The following CHMP3 variants were observed in gnomAD, a reference collection of about 807,000 sequenced individuals.
CHMP3 encodes the protein 25.1 protein.
In CHMP3, 8 loss-of-function variants were observed where a neutral mutation model predicts 27.4. The observed-to-expected ratio is 0.29, with a 90% confidence interval of 0.17 to 0.53. CHMP3 has a LOEUF of 0.53. Among genes scored for constraint, CHMP3 ranks in the 20% least tolerant of loss-of-function variants. The pLI, the probability that CHMP3 is intolerant of heterozygous loss-of-function variation, is 0.96. For synonymous variants in CHMP3, 86 were observed against 85.5 expected, an observed-to-expected ratio of 1.01 and a Z score of -0.03; for missense variants, 208 against 271.5, an observed-to-expected ratio of 0.77 and a Z score of 1.64.
chr2:86,548,500 T>G (rs1338234282), intron 1 of CHMP3, among the ~76,000 whole-genome samples: 1 of 152,192 alleles, frequency 6.6e-6, no homozygotes, highest in Non-Finnish European at 1.5e-5. Context: ...AGCACGGGGT[T>G]GGGGGTAAGG....
At chr2:86,541,480 C>G (rs191150599) in intron 2 of CHMP3, 7 of 152,266 alleles carry the variant, frequency 4.6e-5, no homozygotes, top group Non-Finnish European at 1.0e-4. Flanking sequence ...AGTGAAACCA[C>G]TATGCTCTGC....
chr2:86,541,741 A>G (rs1357363473), intron 2 of CHMP3, among the ~76,000 whole-genome samples: 4 of 152,118 alleles, frequency 2.6e-5, no homozygotes, highest in African/African-American at 9.7e-5. Flanking sequence ...CTGGGAGTGG[A>G]ATTTCCCTCT....
chr2:86,535,654 G>A (rs865998715), intron 2 of CHMP3, among the ~76,000 whole-genome samples: 4 of 151,828 alleles, frequency 2.6e-5, no homozygotes, highest in African/African-American at 4.8e-5. Context: ...TTACAGGCGC[G>A]CACCACACGC....
At chr2:86,506,797 G>T (rs1674906672) in intron 5 of CHMP3, among the ~76,000 whole-genome samples, 1 of 151,876 alleles carries the variant, frequency 6.6e-6, no homozygotes, top group Non-Finnish European at 1.5e-5. Context: ...TTTTTGTAGA[G>T]ACAGGGTTTC....
intron 3 of CHMP3, chr2:86,511,933 T>A (rs1332831102): frequency 6.6e-6 from 1 of 152,100 alleles, no homozygotes; most frequent in African/African-American, 2.4e-5. Flanking sequence ...AATTTCTGAT[T>A]ATTAGAAGGT....
chr2:86,510,351 A>C lies in CHMP3; in HGVS notation c.408+7T>G. ...TGGAAAGGAAAGCAGGGCTAGCCCC[A>C]AGTCACCTTCATCATTTCTTTGGAC... On this transcript the variant is annotated splice_region_variant and intron_variant, in intron 4 of 5. Coordinates refer to ENST00000263856, the MANE Select transcript of CHMP3 (RefSeq NM_016079.4). 1 of 1,501,630 alleles carries C rather than the reference A, an allele frequency of 6.7e-7. No homozygotes were observed. Among genetic ancestry groups the C allele is most frequent in the Middle Eastern group, 1.8e-4 (1 of 5,460 alleles). 93.0% of individuals were successfully genotyped at this position (1,501,630 alleles called of 1,614,324 possible).
chr2:86,531,628 G>T (rs1165815885), intron 2 of CHMP3, among the ~76,000 whole-genome samples: 1 of 151,996 alleles, frequency 6.6e-6, no homozygotes, highest in Non-Finnish European at 1.5e-5. Flanking sequence ...GATCCATTTG[G>T]GGTTAGTTTC....
At chr2:86,528,529 A>T (rs1030887) in intron 3 of CHMP3, among the ~76,000 whole-genome samples, 29,693 of 152,052 alleles carry the variant, frequency 0.2, 3,761 homozygotes, top group African/African-American at 0.35. Context: ...TCTGTATTCA[A>T]TCTAAATATC....
chr2:86,546,126 C>T (rs1010286996), intron 1 of CHMP3, among the ~76,000 whole-genome samples: 6 of 152,128 alleles, frequency 3.9e-5, no homozygotes, highest in Admixed American at 1.3e-4. Context: ...CTCGGGAGGC[C>T]GAGGCAGGCA....
At chr2:86,519,337 C>T (rs1675436135) in intron 3 of CHMP3, among the ~76,000 whole-genome samples, 1 of 150,040 alleles carries the variant, frequency 6.7e-6, no homozygotes, top group South Asian at 2.1e-4. Context: ...TGCGCTCCAG[C>T]CTGGGCAACA....
intron 5 of CHMP3, among the ~76,000 whole-genome samples, chr2:86,506,570 C>T (rs985458888): frequency 6.6e-6 from 1 of 151,704 alleles, no homozygotes; most frequent in Non-Finnish European, 1.5e-5. Context: ...ATATAGTATT[C>T]CATTAAAATA....
intron 1 of CHMP3, among the ~76,000 whole-genome samples, chr2:86,549,562 G>T (rs1387002107): frequency 1.3e-5 from 2 of 148,282 alleles, no homozygotes; most frequent in Non-Finnish European, 3.0e-5. Context: ...CCCAGATGGG[G>T]TTGCAGTCAG....
intron 2 of CHMP3, among the ~76,000 whole-genome samples, chr2:86,535,021 C>A (rs1676071655): frequency 1.3e-5 from 2 of 152,036 alleles, no homozygotes; most frequent in African/African-American, 4.8e-5. Context: ...CTTTGGGAGG[C>A]CAAGGCAGGA....
intron 3 of CHMP3, among the ~76,000 whole-genome samples, chr2:86,524,492 T>C (rs1020976995): frequency 6.6e-6 from 1 of 152,218 alleles, no homozygotes; most frequent in Admixed American, 6.5e-5. Context: ...CATTATTCCC[T>C]AAACAATATA....
chr2:86,527,449 G>A (rs1675759493), intron 3 of CHMP3, among the ~76,000 whole-genome samples: 1 of 152,116 alleles, frequency 6.6e-6, no homozygotes, highest in African/African-American at 2.4e-5. Context: ...AACTGAACAT[G>A]TGTCTTTTGA....
At chr2:86,554,249 T>C (rs1182865368) in intron 1 of CHMP3, among the ~76,000 whole-genome samples, 1 of 152,240 alleles carries the variant, frequency 6.6e-6, no homozygotes, top group African/African-American at 2.4e-5. Flanking sequence ...ATTACTCAGC[T>C]GGTAGTATTT....
intron 1 of CHMP3, among the ~76,000 whole-genome samples, chr2:86,543,296 T>C (rs1383927071): frequency 1.3e-5 from 2 of 152,214 alleles, no homozygotes; most frequent in Non-Finnish European, 2.9e-5. Flanking sequence ...ATCTGTAAAA[T>C]ATTTATTATG....
intron 2 of CHMP3, among the ~76,000 whole-genome samples, chr2:86,538,257 G>C (rs897146470): frequency 2.0e-5 from 3 of 152,154 alleles, no homozygotes; most frequent in African/African-American, 7.2e-5. Context: ...GTGGTTACCA[G>C]GGGCTGGGGG....
At position 86,542,272 on chromosome 2, in the gene CHMP3, A is replaced by G. The variant is rs1676396306; in HGVS notation, c.86T>C (p.Val29Ala). 6.2e-7 allele frequency: 1 copy of G among 1,613,444 alleles called. No homozygotes were observed. The highest frequency in any genetic ancestry group is 1.7e-5 in the Admixed American group (1 of 59,984). ...CTTACCCCTTATTTGCCTGTCAACAACTCTCATTTCCTTTCTTATCTTCAA... is the reference window on the plus strand; with the variant it reads ...CTTACCCCTTATTTGCCTGTCAACAGCTCTCATTTCCTTTCTTATCTTCAA... ...WSLKIRKEMR[V>A]VDRQIRDIQR... is the part of the protein sequence containing the mutation. The change falls in exon 2 of 6, where the codon GTT becomes GCT. Residue 29 changes from valine (V) to alanine (A), a missense_variant. Physicochemically the swap from Val to Ala is moderately conservative, Grantham distance 64 (BLOSUM62 0). Coordinates refer to ENST00000263856, the MANE Select transcript of CHMP3 (RefSeq NM_016079.4).
Sources: gnomAD v4.1 joint callset for allele counts (sites outside exome capture counted in the v4.1 genomes callset) on GRCh38, gnomAD v4.1.1 for gene constraint, MANE v1.5 for transcripts, NCBI Gene and HGNC (gene_info 2026-07-23, HGNC 2026-07-21) for gene names.